The following CDH18 variants were observed in gnomAD, a reference collection of about 807,000 sequenced individuals.
CDH18 encodes cadherin 18.
A neutral mutation model predicts 67.9 loss-of-function variants in CDH18; 31 were observed. The observed-to-expected ratio is 0.46, with a 90% CI of 0.34 to 0.62. The LOEUF (loss-of-function observed/expected upper bound fraction) is 0.62, where lower values mean the gene tolerates loss of function less well. CDH18 is among the 20% of genes least tolerant of loss of function. The pLI is 0.01. For missense variants in CDH18, 890 were observed against 975.5 expected (o/e 0.91, Z 1.17); for synonymous variants, 362 against 347.2 (o/e 1.04, Z -0.48).
rs1355635281 is a variant in CDH18 at position 20,491,318 on chromosome 5, A to G, written c.-580+84144T>C. Among the ~76,000 whole-genome samples, 7 of 152,192 alleles carry G rather than the reference A, an allele frequency of 4.6e-5. No individual in the cohort carries two copies. In the East Asian group the frequency reaches 1.2e-3, roughly 25 times the overall value. On this transcript the variant is annotated intron_variant, in intron 1 of 14. Transcript: ENST00000507958. ...GCTACCAATTGATATTTCCACAAGA[A>G]AACCAGGTAATGATCGTAAGTTTAG...
At chr5:20,412,641 AAAC>A (rs1746887879) in intron 1 of CDH18, among the ~76,000 whole-genome samples, 1 of 152,190 alleles carries the variant, frequency 6.6e-6, no homozygotes, top group Admixed American at 6.5e-5. Context: ...AACTAAAACA[AAAC>A]AACAACAAAA....
intron 2 of CDH18, among the ~76,000 whole-genome samples, chr5:20,111,378 C>G (rs935895663): frequency 1.3e-5 from 2 of 151,970 alleles, no homozygotes; most frequent in African/African-American, 4.8e-5. Flanking sequence ...AGATGTTTAC[C>G]AGTCTAGTTT....
chr5:20,168,008 T>C (rs1736424361), intron 2 of CDH18, among the ~76,000 whole-genome samples: 1 of 152,178 alleles, frequency 6.6e-6, no homozygotes. Flanking sequence ...AATATTTAAG[T>C]ATATTTTGAA....
At chr5:20,343,991 G>A (rs1378998793) in intron 1 of CDH18, among the ~76,000 whole-genome samples, 1 of 152,116 alleles carries the variant, frequency 6.6e-6, no homozygotes, top group East Asian at 1.9e-4. Context: ...ATGCACTTGA[G>A]GAACCTCTGA....
intron 2 of CDH18, among the ~76,000 whole-genome samples, chr5:20,112,060 A>G (rs781355940): frequency 6.6e-6 from 1 of 152,190 alleles, no homozygotes; most frequent in Non-Finnish European, 1.5e-5. Context: ...AAATATGTGT[A>G]AGGAAGTTAA....
intron 2 of CDH18, among the ~76,000 whole-genome samples, chr5:20,145,465 T>A (rs1174120320): frequency 6.6e-6 from 1 of 152,208 alleles, no homozygotes; most frequent in Non-Finnish European, 1.5e-5. Context: ...CTTTACAGTC[T>A]CATTTTTCTA....
chr5:19,512,746 TA>T (rs753329217), intron 10 of CDH18, among the ~76,000 whole-genome samples: 3 of 152,132 alleles, frequency 2.0e-5, no homozygotes, highest in African/African-American at 4.8e-5. Context: ...CCTGATTAGG[TA>T]GGTTTTTATT....
At chr5:19,660,806 GCTAGCACTTTGATTT>G (rs1757048717) in intron 5 of CDH18, among the ~76,000 whole-genome samples, 1 of 151,910 alleles carries the variant, frequency 6.6e-6, no homozygotes, top group Non-Finnish European at 1.5e-5. Context: ...ATAATACATA[GCTAGCACTTTGATTT>G]CAGCTGTGTG....
At chr5:19,563,082 C>T (rs979535118) in intron 8 of CDH18, among the ~76,000 whole-genome samples, 1 of 152,138 alleles carries the variant, frequency 6.6e-6, no homozygotes, top group Non-Finnish European at 1.5e-5. Flanking sequence ...CAGGTAATGG[C>T]ATTTGCTTAA....
chr5:19,898,538 GT>G (rs923482975), intron 2 of CDH18, among the ~76,000 whole-genome samples: 94 of 151,384 alleles, frequency 6.2e-4, no homozygotes, highest in Non-Finnish European at 1.1e-3. Flanking sequence ...TAAAGGGTTA[GT>G]TTTTTTTAAA....
chr5:20,498,981 C>T (rs965618731), intron 1 of CDH18, among the ~76,000 whole-genome samples: 5 of 152,116 alleles, frequency 3.3e-5, no homozygotes, highest in South Asian at 2.1e-4. Context: ...GTTTAATTTG[C>T]ATACTCTGGG....
chr5:19,674,019 A>C (rs940571204), intron 5 of CDH18, among the ~76,000 whole-genome samples: 1 of 152,108 alleles, frequency 6.6e-6, no homozygotes, highest in African/African-American at 2.4e-5. Context: ...TCACAAACTG[A>C]ATAGAAAATT....
intron 11 of CDH18, among the ~76,000 whole-genome samples, chr5:19,490,392 C>CTT (rs1561183202): frequency 1.5e-4 from 6 of 40,302 alleles, no homozygotes; most frequent in African/African-American, 5.2e-4. Context: ...ATATAAAAAT[C>CTT]TGTTTTTTTT....
chr5:20,291,553 A>G (rs1376921697), intron 1 of CDH18, among the ~76,000 whole-genome samples: 4 of 152,160 alleles, frequency 2.6e-5, no homozygotes, highest in Non-Finnish European at 5.9e-5. Context: ...GAATATTTCC[A>G]CAGGTTGAGA....
rs559436074 is a variant in CDH18, at chr5:19,620,108, T to A, written c.644-7507A>T. Among the ~76,000 whole-genome samples, 10 of 152,336 alleles carry A rather than the reference T, an allele frequency of 6.6e-5. No individual in the cohort carries two copies. The South Asian group carries it at 2.1e-3, about 32-fold the overall frequency. On this transcript the variant is annotated intron_variant, in intron 5 of 12. Transcript: ENST00000382275. ...CATGGAATTAGCAATCATAAATTCA[T>A]AGAGGTAGACATTTTTATGCTTTAG...
At chr5:20,476,155 T>C (rs1427264573) in intron 1 of CDH18, among the ~76,000 whole-genome samples, 1 of 152,176 alleles carries the variant, frequency 6.6e-6, no homozygotes, top group Non-Finnish European at 1.5e-5. Flanking sequence ...AAGGATGTTA[T>C]CCATAACAGA....
chr5:20,131,271 T>C (rs1294533107), intron 2 of CDH18, among the ~76,000 whole-genome samples: 1 of 152,076 alleles, frequency 6.6e-6, no homozygotes, highest in Non-Finnish European at 1.5e-5. Context: ...AAGCAAAATA[T>C]ACTCAATGTA....
chr5:19,948,641 T>C (rs1795498448), intron 2 of CDH18, among the ~76,000 whole-genome samples: 3 of 152,080 alleles, frequency 2.0e-5, no homozygotes, highest in South Asian at 2.1e-4. Context: ...GAACTATATA[T>C]ACATGCACGC....
intron 12 of CDH18, chr5:19,478,737 A>C (rs2126545849): frequency 6.6e-6 from 1 of 152,312 alleles, no homozygotes; most frequent in South Asian, 2.1e-4. Context: ...TAGTGTGATC[A>C]AGATTTGCCT....
Sources: allele counts gnomAD v4.1 joint callset (sites outside exome capture counted in the v4.1 genomes callset), GRCh38; gene constraint gnomAD v4.1.1; transcripts MANE v1.5; gene names NCBI Gene and HGNC (gene_info 2026-07-23, HGNC 2026-07-21).